The following NAV1 variants were observed in gnomAD, a reference collection of about 807,000 sequenced individuals.
NAV1 encodes the protein neuron navigator 1, also known as pore membrane and/or filament interacting like protein 3.
NAV1 carries 18 observed loss-of-function variants against 175.2 expected under a neutral mutation model. The observed-to-expected ratio is 0.10, with a 90% CI of 0.07 to 0.15. The LOEUF (loss-of-function observed/expected upper bound fraction) is 0.15. Among genes scored for constraint, NAV1 ranks in the 10% least tolerant of loss-of-function variants. The pLI, the probability that NAV1 is intolerant of heterozygous loss-of-function variation, is 1.00. For missense variants in NAV1, 1,731 were observed against 2,436.6 expected (o/e 0.71, Z 6.10); for synonymous variants, 897 against 978.7 (o/e 0.92, Z 1.56).
chr1:201,575,699 C>T lies in NAV1; in HGVS notation c.-143-12840C>T, dbSNP rs1311284549. Among the ~76,000 whole-genome samples, 7 of 151,902 alleles carry T rather than the reference C, an allele frequency of 4.6e-5. No homozygotes were observed. The East Asian group carries it at 7.7e-4, about 17-fold the overall frequency. On this transcript the variant is annotated intron_variant, in intron 1 of 33. Coordinates refer to the NAV1 transcript ENST00000685211. ...GTCCTGGAGGAGCACGGAGTGGTGACGTAACAACATCTGAGGCCAATTAAG... is the reference window on the plus strand; with the variant it reads ...GTCCTGGAGGAGCACGGAGTGGTGATGTAACAACATCTGAGGCCAATTAAG...
chr1:201,649,093 C>T, exon 1 of NAV1: 1 of 1,613,058 alleles, frequency 6.2e-7, no homozygotes, highest in Non-Finnish European at 8.5e-7. Flanking sequence ...CTGTCCAAGT[C>T]GGAGCACTCG....
intron 2 of NAV1, among the ~76,000 whole-genome samples, chr1:201,594,788 C>G (rs1291329955): frequency 6.6e-6 from 1 of 152,194 alleles, no homozygotes; most frequent in East Asian, 1.9e-4. Context: ...GCAGGCTCCA[C>G]CCTGAAACTG....
At chr1:201,745,106 G>T (rs186307512) in intron 3 of NAV1, among the ~76,000 whole-genome samples, 1 of 152,270 alleles carries the variant, frequency 6.6e-6, no homozygotes, top group African/African-American at 2.4e-5. Flanking sequence ...TTCATCCTCA[G>T]CCTAACTTTC....
chr1:201,736,838 G>C (rs1673132868), intron 3 of NAV1, among the ~76,000 whole-genome samples: 1 of 151,924 alleles, frequency 6.6e-6, no homozygotes, highest in Non-Finnish European at 1.5e-5. Flanking sequence ...TCTTTGGCTG[G>C]GTTTTCTTTC....
At chr1:201,731,023 A>C (rs1324833218) in intron 3 of NAV1, among the ~76,000 whole-genome samples, 1 of 152,140 alleles carries the variant, frequency 6.6e-6, no homozygotes, top group African/African-American at 2.4e-5. Context: ...GAAAAGGCAT[A>C]AAAGTATAGA....
chr1:201,629,374 A>G, intron 1 of NAV1, 30 bp from the exon 4 acceptor site: 1 of 1,290,198 alleles, frequency 7.8e-7, no homozygotes, highest in Non-Finnish European at 1.0e-6. Context: ...CATCTCTACC[A>G]TGAGTGACTA....
exon 30 of NAV1, chr1:201,821,879 T>C (rs890819540): frequency 1.3e-5 from 2 of 152,208 alleles, no homozygotes; most frequent in Non-Finnish European, 2.9e-5. Flanking sequence ...GTCAAGGATA[T>C]GTGATGAGCA....
intron 7 of NAV1, 25 bp from the exon 12 acceptor site, chr1:201,785,278 CTCTCTTT>C: frequency 1.4e-6 from 2 of 1,471,372 alleles, no homozygotes; most frequent in Middle Eastern, 1.7e-4. Flanking sequence ...TTCTCTCTCT[CTCTCTTT>C]TTTTTTTTTT....
rs536893215 is a variant in NAV1 at position 201,690,197 on chromosome 1, C to T, written c.758-22620C>T. Among the ~76,000 whole-genome samples, 5 of 143,120 alleles carry T rather than the reference C, an allele frequency of 3.5e-5. No individual in the cohort carries two copies. The Admixed American group carries it at 3.5e-4, about 10-fold the overall frequency. The allele number at this position is 143,120 out of a possible 152,430, so 93.9% of individuals were successfully genotyped here. The stretch of plus-strand genomic sequence containing the variant: ...GTCTGTGGCAGAGTGCTGGCTATTT[C>T]CTCTCTGGCCTGTCCGTGGCAGAGT... On this transcript the variant is annotated intron_variant, in intron 1 of 29. Coordinates refer to ENST00000367296, the Ensembl canonical transcript of NAV1.
chr1:201,723,158 T>C (rs1286689945), intron 3 of NAV1: 6 of 152,216 alleles, frequency 3.9e-5, no homozygotes, highest in Non-Finnish European at 8.8e-5. Flanking sequence ...GTTATCTCAT[T>C]GTGGTTTTGA....
At chr1:201,642,195 T>TCA (rs1668784773) in intron 2 of NAV1, among the ~76,000 whole-genome samples, 1 of 137,166 alleles carries the variant, frequency 7.3e-6, no homozygotes, top group East Asian at 2.2e-4. Flanking sequence ...CTTCCCTCCT[T>TCA]TCTTCCTTTC....
chr1:201,803,866 C>A, intron 16 of NAV1, 152 bp downstream of exon 20: 1 of 1,041,436 alleles, frequency 9.6e-7, no homozygotes, highest in Non-Finnish European at 1.4e-6. Flanking sequence ...CATGGTCTCC[C>A]AGATTCTCCC....
At chr1:201,820,097 C>T (rs1679301017) in exon 30 of NAV1, 4 of 638,184 alleles carry the variant, frequency 6.3e-6, no homozygotes, top group Admixed American at 6.0e-5. Context: ...GGTGCTGTAC[C>T]TTTGAGAACT....
chr1:201,574,878 C>A (rs1571828411), intron 1 of NAV1, among the ~76,000 whole-genome samples: 1 of 152,188 alleles, frequency 6.6e-6, no homozygotes, highest in African/African-American at 2.4e-5. Context: ...ACACATTGCT[C>A]GGCCTCTGCT....
Position 201,543,248 on chromosome 1 carries a change from G to A in NAV1, c.-144+3906G>A, listed in dbSNP as rs11800376. Reference sequence around the variant, plus strand: ...TGATTTTAGCCTTTCACCAGTGAGCGTGATGTTAGCTGTGGGCTTTTCATA... The same window carrying A: ...TGATTTTAGCCTTTCACCAGTGAGCATGATGTTAGCTGTGGGCTTTTCATA... On this transcript the variant is annotated intron_variant, in intron 1 of 33. Coordinates refer to the NAV1 transcript ENST00000685211. Among the ~76,000 whole-genome samples, 483 of 152,290 alleles carry A rather than the reference G, an allele frequency of 3.2e-3. 4 individuals are homozygous for A. Among genetic ancestry groups the A allele is most frequent in the African/African-American group, 0.01 (428 of 41,556 alleles).
intron 1 of NAV1, among the ~76,000 whole-genome samples, chr1:201,545,970 C>T (rs1308326600): frequency 6.6e-6 from 1 of 152,158 alleles, no homozygotes; most frequent in Non-Finnish European, 1.5e-5. Flanking sequence ...TGCCTTTTTC[C>T]CAGTTCATTG....
intron 1 of NAV1, among the ~76,000 whole-genome samples, chr1:201,709,140 G>A (rs1241133211): frequency 9.0e-6 from 1 of 110,904 alleles, no homozygotes; most frequent in Admixed American, 9.6e-5. Flanking sequence ...GTAAGACCCT[G>A]TCTCCAAAAA....
chr1:201,760,343 A>AAAAT (rs145894623), intron 3 of NAV1, among the ~76,000 whole-genome samples: 7,664 of 152,238 alleles, frequency 0.05, 631 homozygotes, highest in African/African-American at 0.17. Context: ...ACCCGTTCTC[A>AAAAT]AAATAAATAA....
chr1:201,676,708 G>A (rs1383364253), intron 1 of NAV1, among the ~76,000 whole-genome samples: 4 of 152,110 alleles, frequency 2.6e-5, no homozygotes, highest in South Asian at 2.1e-4. Context: ...TGGCCCTGGC[G>A]AACCTTCCCC....
Sources: allele counts gnomAD v4.1 joint callset (sites outside exome capture counted in the v4.1 genomes callset), GRCh38; gene constraint gnomAD v4.1.1; transcripts MANE v1.5; gene names NCBI Gene and HGNC (gene_info 2026-07-23, HGNC 2026-07-21).